Variants in TPD52L1 observed in about 807,000 individuals in gnomAD.
The protein encoded by TPD52L1 is TPD52 like 1, also known as tumor protein D53.
A neutral mutation model predicts 28.7 loss-of-function variants in TPD52L1; 18 were observed. That is an observed-to-expected ratio of 0.63 (90% confidence interval 0.43 to 0.93). The LOEUF is 0.93. Among genes scored for constraint, TPD52L1 ranks in the 40% least tolerant of loss-of-function variants. The probability of loss-of-function intolerance (pLI) is 0.00; values close to 1 mark genes in which losing one functional copy is unlikely to be tolerated. For synonymous variants in TPD52L1, 75 were observed against 88.8 expected (o/e 0.84, Z 0.88); for missense variants, 203 against 254.8 (o/e 0.80, Z 1.39).
chr6:125,214,184 G>T (rs986039851), intron 1 of TPD52L1, among the ~76,000 whole-genome samples: 8 of 152,128 alleles, frequency 5.3e-5, no homozygotes, highest in Non-Finnish European at 8.8e-5. Context: ...TCCTGCAGGG[G>T]CTTCCCATTG....
intron 2 of TPD52L1, among the ~76,000 whole-genome samples, chr6:125,228,344 T>C (rs1323101190): frequency 2.0e-5 from 3 of 152,208 alleles, no homozygotes; most frequent in Non-Finnish European, 4.4e-5. Flanking sequence ...ATTATACATA[T>C]ACACTTTAAA....
rs560853424 is a variant in TPD52L1, at chr6:125,240,310, T to C, written c.285-7972T>C. On this transcript the variant is annotated intron_variant, in intron 3 of 6. Transcript: ENST00000534000. ...TAGTATTGTTTTGGCTATGTGGGCT[T>C]TTTTGGGGGTTCCATGTGAATTTTA... is the stretch of plus-strand genomic sequence containing the variant. 5.3e-5 allele frequency among the ~76,000 whole-genome samples: 8 copies of C among 152,210 alleles called. No homozygotes were observed. The South Asian group carries it at 1.7e-3, about 32-fold the overall frequency.
chr6:125,253,384 G>C (rs1797394994), intron 4 of TPD52L1: 2 of 345,214 alleles, frequency 5.8e-6, no homozygotes, highest in Non-Finnish European at 1.1e-5. Flanking sequence ...GAAGGGAGTA[G>C]AGACCTAAGT....
intron 1 of TPD52L1, among the ~76,000 whole-genome samples, chr6:125,180,569 TACACACAC>T (rs374673277): frequency 1.3e-5 from 2 of 150,146 alleles, no homozygotes; most frequent in African/African-American, 2.4e-5. Context: ...ATATTATATA[TACACACAC>T]ACACACACAC....
intron 1 of TPD52L1, among the ~76,000 whole-genome samples, chr6:125,180,754 T>C (rs1367486294): frequency 6.6e-6 from 1 of 152,244 alleles, no homozygotes; most frequent in African/African-American, 2.4e-5. Flanking sequence ...CTGGTCCTTC[T>C]AATGATGCAT....
At chr6:125,172,079 TCTCTTTCTTTCTTTCTTTCC>T in intron 1 of TPD52L1, among the ~76,000 whole-genome samples, 1 of 130,656 alleles carries the variant, frequency 7.7e-6, no homozygotes, top group African/African-American at 3.7e-5. Flanking sequence ...TTTCTTTCTT[TCTCTTTCTTTCTTTCTTTCC>T]CTTTCTTTCT....
chr6:125,195,638 T>C (rs1416217369), intron 1 of TPD52L1, among the ~76,000 whole-genome samples: 1 of 152,206 alleles, frequency 6.6e-6, no homozygotes, highest in Admixed American at 6.5e-5. Context: ...TCAACAGGCA[T>C]CTTTTTGATC....
intron 1 of TPD52L1, among the ~76,000 whole-genome samples, chr6:125,172,539 T>TATATATATA (rs1791528377): frequency 1.1e-5 from 1 of 95,042 alleles, no homozygotes; most frequent in Non-Finnish European, 2.0e-5. Flanking sequence ...TATATATATA[T>TATATATATA]ATATATATAT....
chr6:125,191,847 AT>A (rs1485274206), intron 1 of TPD52L1, among the ~76,000 whole-genome samples: 1 of 152,048 alleles, frequency 6.6e-6, no homozygotes, highest in Non-Finnish European at 1.5e-5. Flanking sequence ...AGCTATTATT[AT>A]TTTTTAACAA....
intron 2 of TPD52L1, among the ~76,000 whole-genome samples, chr6:125,227,515 C>T (rs1795685538): frequency 6.6e-6 from 1 of 152,098 alleles, no homozygotes; most frequent in Admixed American, 6.6e-5. Context: ...GTAAATGAGC[C>T]ACAGTTGCTC....
At chr6:125,185,736 A>C (rs1307930612) in intron 1 of TPD52L1, among the ~76,000 whole-genome samples, 1 of 152,126 alleles carries the variant, frequency 6.6e-6, no homozygotes, top group Admixed American at 6.6e-5. Context: ...AAATAGTAGA[A>C]TGGATAAATA....
At chr6:125,242,438 C>A (rs904781450) in intron 3 of TPD52L1, among the ~76,000 whole-genome samples, 1 of 151,824 alleles carries the variant, frequency 6.6e-6, no homozygotes, top group African/African-American at 2.4e-5. Flanking sequence ...ATTTCTCAGG[C>A]CTGGTAGTAA....
chr6:125,256,944 A>G (rs1020458555), intron 5 of TPD52L1, among the ~76,000 whole-genome samples, 154 bp from the exon 6 acceptor site: 6 of 152,266 alleles, frequency 3.9e-5, no homozygotes, highest in South Asian at 2.1e-4. Flanking sequence ...AACAGAAGTG[A>G]CATACATTTT....
chr6:125,213,162 T>C (rs1290512373), intron 1 of TPD52L1, among the ~76,000 whole-genome samples: 1 of 152,174 alleles, frequency 6.6e-6, no homozygotes, highest in African/African-American at 2.4e-5. Context: ...CACCTAGGCT[T>C]TGAGTAGTGG....
intron 4 of TPD52L1, among the ~76,000 whole-genome samples, chr6:125,251,556 T>C (rs943751424): frequency 2.6e-5 from 4 of 152,206 alleles, no homozygotes; most frequent in East Asian, 1.9e-4. Flanking sequence ...CTGATTGTCA[T>C]GGAATTGCCC....
At chr6:125,204,736 C>G (rs1299834140) in intron 1 of TPD52L1, among the ~76,000 whole-genome samples, 1 of 152,180 alleles carries the variant, frequency 6.6e-6, no homozygotes, top group Non-Finnish European at 1.5e-5. Flanking sequence ...ACCTCGGCCT[C>G]CCAAAGTGCT....
intron 1 of TPD52L1, among the ~76,000 whole-genome samples, chr6:125,167,580 C>T (rs902953906): frequency 2.0e-5 from 3 of 152,108 alleles, no homozygotes; most frequent in African/African-American, 4.8e-5. Flanking sequence ...ACATTCAGAA[C>T]GTGTTTGAAA....
chr6:125,194,083 G>T (rs1036948555), intron 1 of TPD52L1, among the ~76,000 whole-genome samples: 19 of 137,318 alleles, frequency 1.4e-4, no homozygotes, highest in South Asian at 2.3e-4. Flanking sequence ...AAGGCCCCAT[G>T]CTTTTTAGTT....
chr6:125,216,933 G>A (rs2114951783), intron 1 of TPD52L1, among the ~76,000 whole-genome samples: 1 of 152,216 alleles, frequency 6.6e-6, no homozygotes, highest in South Asian at 2.1e-4. Context: ...ACACACTTGA[G>A]CCATATTTTT....
Sources: allele counts gnomAD v4.1 joint callset (sites outside exome capture counted in the v4.1 genomes callset), GRCh38; gene constraint gnomAD v4.1.1; transcripts MANE v1.5; gene names NCBI Gene and HGNC (gene_info 2026-07-23, HGNC 2026-07-21).